The following NME7 variants were observed in gnomAD, a reference collection of about 807,000 sequenced individuals.
NME7 encodes nucleoside diphosphate kinase 7.
A neutral mutation model predicts 49.1 loss-of-function variants in NME7; 41 were observed. The observed-to-expected ratio is 0.83, with a 90% CI of 0.65 to 1.08. The LOEUF is 1.08. Among genes scored for constraint, NME7 ranks in the 50% least tolerant of loss-of-function variants. The probability of loss-of-function intolerance (pLI) is 0.00; values close to 1 mark genes in which losing one functional copy is unlikely to be tolerated. For missense variants in NME7, 423 were observed against 463.4 expected, an observed-to-expected ratio of 0.91 and a Z score of 0.80; for synonymous variants, 139 against 150.6, an observed-to-expected ratio of 0.92 and a Z score of 0.56.
At chr1:169,301,323 C>T (rs772225812) in intron 5 of NME7, among the ~76,000 whole-genome samples, 29 of 151,966 alleles carry the variant, frequency 1.9e-4, no homozygotes, top group Non-Finnish European at 7.4e-5. Flanking sequence ...TACGAAAAAA[C>T]GCTCAATATC....
At chr1:169,182,266 G>A (rs183921895) in intron 10 of NME7, among the ~76,000 whole-genome samples, 2 of 151,494 alleles carry the variant, frequency 1.3e-5, no homozygotes, top group African/African-American at 4.9e-5. Context: ...CTCCTGCCTT[G>A]GCCTCCCAAA....
chr1:169,320,270 A>G (rs1651803752), intron 3 of NME7, among the ~76,000 whole-genome samples: 1 of 152,218 alleles, frequency 6.6e-6, no homozygotes, highest in East Asian at 1.9e-4. Flanking sequence ...GATCTTTATA[A>G]AGAGAGGATA....
chr1:169,250,398 C>A (rs1648513102), intron 7 of NME7, among the ~76,000 whole-genome samples: 1 of 151,944 alleles, frequency 6.6e-6, no homozygotes, highest in African/African-American at 2.4e-5. Flanking sequence ...CTTTGTTTAT[C>A]TTTTTGAAAA....
chr1:169,191,619 T>A (rs1660233302), intron 10 of NME7, among the ~76,000 whole-genome samples: 1 of 152,306 alleles, frequency 6.6e-6, no homozygotes, highest in Admixed American at 6.5e-5. Context: ...GTTATTCACG[T>A]ATAATCTCAT....
chr1:169,312,295 T>C (rs1030059469), intron 3 of NME7, among the ~76,000 whole-genome samples: 2 of 152,140 alleles, frequency 1.3e-5, no homozygotes, highest in South Asian at 2.1e-4. Flanking sequence ...GTACAGGCAA[T>C]TATCAAGTGT....
At chr1:169,158,780 G>A (rs992642676) in intron 11 of NME7, among the ~76,000 whole-genome samples, 2 of 152,084 alleles carry the variant, frequency 1.3e-5, no homozygotes. Context: ...AGTGGACCCC[G>A]AGAATTTCAT....
chr1:169,270,841 C>T (rs1469708083), intron 7 of NME7, among the ~76,000 whole-genome samples: 2 of 133,078 alleles, frequency 1.5e-5, no homozygotes, highest in African/African-American at 5.1e-5. Flanking sequence ...AATCCAATAT[C>T]CCATAGCTAG....
intron 5 of NME7, 113 bp downstream of exon 5, chr1:169,303,032 G>T: frequency 1.6e-6 from 1 of 631,418 alleles, no homozygotes; most frequent in Non-Finnish European, 2.8e-6. Context: ...GCAAGATGTT[G>T]CTATGGCCCT....
At chr1:169,308,415 C>T (rs1160243622) in intron 4 of NME7, among the ~76,000 whole-genome samples, 1 of 152,090 alleles carries the variant, frequency 6.6e-6, no homozygotes, top group Non-Finnish European at 1.5e-5. Context: ...CAAACAAAAA[C>T]TAGTGGAGAA....
chr1:169,132,763 G>A lies in NME7; in HGVS notation c.*22C>T. ...CTCTTGTCTAAATGTCCCAACCTGT[G>A]ACTTCTTTACTTTCCACACCACTAA... On this transcript the variant is annotated 3_prime_UTR_variant, in exon 12 of 12. Coordinates refer to ENST00000367811, the MANE Select transcript of NME7 (RefSeq NM_013330.5). 5.0e-6 allele frequency: 8 copies of A among 1,609,350 alleles called. No individual in the cohort carries two copies. The highest frequency in any genetic ancestry group is 5.9e-6 in the Non-Finnish European group (7 of 1,176,690).
In NME7 at chr1:169,323,126, C is replaced by A. The variant is rs1205483767; in HGVS notation, c.269G>T (p.Arg90Met). The change falls in exon 3 of 12, where the codon AGG (arginine) becomes ATG (methionine). Residue 90 changes from arginine to methionine, a missense_variant. Transcript: ENST00000367811. ...ATAATTGTTTTCTTACTTTTCTTTC[C>A]TACTGCCCAGCTGGCGAGCTGTATA... is the stretch of plus-strand genomic sequence containing the variant. ...DQYTARQLGSRKEKTLALIKP... is the reference protein window; with the variant it reads ...DQYTARQLGSMKEKTLALIKP... 6.4e-7 allele frequency: 1 copy of A among 1,557,326 alleles called. No individual in the cohort carries two copies. The highest frequency in any genetic ancestry group is 8.6e-7 in the Non-Finnish European group (1 of 1,156,700).
chr1:169,193,594 T>C (rs1660293655), intron 10 of NME7, among the ~76,000 whole-genome samples: 2 of 152,182 alleles, frequency 1.3e-5, no homozygotes, highest in African/African-American at 4.8e-5. Flanking sequence ...GGTTAACATT[T>C]GAAACTGACA....
intron 1 of NME7, among the ~76,000 whole-genome samples, chr1:169,354,770 T>C (rs970317817): frequency 7.2e-6 from 1 of 138,078 alleles, no homozygotes; most frequent in Non-Finnish European, 1.6e-5. Flanking sequence ...ATATATGTTT[T>C]ATATATATAT....
intron 10 of NME7, among the ~76,000 whole-genome samples, chr1:169,170,320 G>A (rs1305930305): frequency 6.6e-6 from 1 of 152,118 alleles, no homozygotes; most frequent in Non-Finnish European, 1.5e-5. Flanking sequence ...GTCGTAAGTG[G>A]GTCACCTCTA....
At chr1:169,153,353 C>T (rs1054523828) in intron 11 of NME7, among the ~76,000 whole-genome samples, 1 of 152,138 alleles carries the variant, frequency 6.6e-6, no homozygotes, top group Non-Finnish European at 1.5e-5. Context: ...CAATCTAGCT[C>T]TAATTTACAT....
At chr1:169,283,756 G>C (rs757700523) in intron 7 of NME7, 5 of 152,174 alleles carry the variant, frequency 3.3e-5, no homozygotes, top group Non-Finnish European at 4.4e-5. Context: ...TTTTCTTTAA[G>C]AATGTTGAAT....
chr1:169,302,978 T>C (rs1236128906), intron 5 of NME7, 167 bp downstream of exon 5: 1 of 416,614 alleles, frequency 2.4e-6, no homozygotes, highest in South Asian at 6.7e-5. Context: ...AATTCTTACT[T>C]AATAAAAAGA....
intron 1 of NME7, among the ~76,000 whole-genome samples, chr1:169,355,889 G>C (rs12140572): frequency 0.25 from 37,714 of 152,040 alleles, 5,744 homozygotes; most frequent in Non-Finnish European, 0.35. Context: ...GCTCAGAACA[G>C]TGCCTGGCAC....
In NME7 at chr1:169,276,453, C is replaced by A. The variant is rs983904639; in HGVS notation, c.754+10850G>T. On this transcript the variant is annotated intron_variant, in intron 7 of 11. Coordinates refer to ENST00000367811, the MANE Select transcript of NME7 (RefSeq NM_013330.5). ...GTCGAGGAATTTATCCATTTCTTCT[C>A]GATTTTCTAGTTTATTTGCGTAGAG... Among the ~76,000 whole-genome samples the A allele has an allele frequency of 1.2e-3, 161 of 133,368 alleles. 16 individuals are homozygous for A. Among genetic ancestry groups the A allele is most frequent in the African/African-American group, 3.8e-3 (151 of 39,550 alleles). 87.5% of individuals were successfully genotyped at this position (133,368 alleles called of 152,430 possible).
Sources: allele counts gnomAD v4.1 joint callset (sites outside exome capture counted in the v4.1 genomes callset), GRCh38; gene constraint gnomAD v4.1.1; transcripts MANE v1.5; gene names NCBI Gene and HGNC (gene_info 2026-07-23, HGNC 2026-07-21).